The following SUMF1 variants were observed in gnomAD, a reference collection of about 807,000 sequenced individuals.
SUMF1 encodes the protein sulfatase modifying factor 1.
Under a neutral mutation model 47.6 loss-of-function variants are expected in SUMF1, and 48 were observed. That is an observed-to-expected ratio of 1.01 (90% CI 0.80 to 1.28). SUMF1 has a LOEUF of 1.28. Among genes scored for constraint, SUMF1 ranks in the 50% most tolerant of loss-of-function variants. SUMF1 has a pLI of 0.00. For missense variants in SUMF1, 571 were observed against 485.4 expected, an observed-to-expected ratio of 1.18 and a Z score of -1.66; for synonymous variants, 230 against 192.1, an observed-to-expected ratio of 1.20 and a Z score of -1.63.
chr3:4,466,761 C>A (rs980343412), intron 1 of SUMF1, among the ~76,000 whole-genome samples: 3 of 152,204 alleles, frequency 2.0e-5, no homozygotes, highest in Non-Finnish European at 4.4e-5. Context: ...AAAGAAGTAA[C>A]AATAACCCTC....
At chr3:4,043,627 A>T (rs317576) in intron 9 of SUMF1, among the ~76,000 whole-genome samples, 150,268 of 152,168 alleles carry the variant, frequency 0.99, 74,227 homozygotes, top group Middle Eastern at 1. Context: ...GTCCTCTCCC[A>T]AGCTCCTATT....
At chr3:4,133,293 G>A (rs1693834984) in intron 8 of SUMF1, among the ~76,000 whole-genome samples, 1 of 152,104 alleles carries the variant, frequency 6.6e-6, no homozygotes, top group African/African-American at 2.4e-5. Context: ...GGATTAGTGT[G>A]TTTCGGGTTG....
chr3:4,155,419 T>C (rs1694430589), intron 8 of SUMF1, among the ~76,000 whole-genome samples: 1 of 151,620 alleles, frequency 6.6e-6, no homozygotes. Flanking sequence ...TCCCAGCTCC[T>C]TTAGGCATGC....
intron 9 of SUMF1, among the ~76,000 whole-genome samples, chr3:4,035,463 TG>T: frequency 6.6e-6 from 1 of 152,340 alleles, no homozygotes; most frequent in South Asian, 2.1e-4. Flanking sequence ...AGAGCATCTG[TG>T]ATTGGATTAA....
chr3:4,282,968 T>C (rs1238686904), intron 8 of SUMF1, among the ~76,000 whole-genome samples: 1 of 152,190 alleles, frequency 6.6e-6, no homozygotes, highest in East Asian at 1.9e-4. Flanking sequence ...TGTACTACAC[T>C]TCTCTACTCT....
chr3:4,410,251 G>C (rs754211455), intron 7 of SUMF1, among the ~76,000 whole-genome samples: 1 of 152,184 alleles, frequency 6.6e-6, no homozygotes, highest in Non-Finnish European at 1.5e-5. Context: ...AGGCAGGGTA[G>C]TATACTATTT....
intron 8 of SUMF1, among the ~76,000 whole-genome samples, chr3:4,332,569 G>C (rs1325775776): frequency 3.9e-5 from 6 of 152,160 alleles, no homozygotes; most frequent in Non-Finnish European, 5.9e-5. Context: ...GTGTATACCG[G>C]CAGACACCCT....
At chr3:4,222,728 G>T (rs1004957139) in intron 8 of SUMF1, among the ~76,000 whole-genome samples, 2 of 152,124 alleles carry the variant, frequency 1.3e-5, no homozygotes, top group African/African-American at 2.4e-5. Flanking sequence ...AGATGGAACA[G>T]AAGGAAAGGG....
chr3:4,420,022 G>T, intron 4 of SUMF1, 42 bp downstream of exon 4: 1 of 1,548,038 alleles, frequency 6.5e-7, no homozygotes, highest in Non-Finnish European at 8.9e-7. Context: ...TACCTATTTT[G>T]CAATGGAACT....
intron 8 of SUMF1, among the ~76,000 whole-genome samples, chr3:4,364,621 C>T (rs1170718325): frequency 6.6e-6 from 1 of 151,310 alleles, no homozygotes; most frequent in African/African-American, 2.4e-5. Context: ...CTCTTTTCTT[C>T]TTTATTAGTC....
intron 8 of SUMF1, among the ~76,000 whole-genome samples, chr3:4,130,791 T>C (rs1693770727): frequency 6.6e-6 from 1 of 152,180 alleles, no homozygotes; most frequent in Non-Finnish European, 1.5e-5. Flanking sequence ...TGTATCACTC[T>C]GGCCCATTTA....
At chr3:4,176,125 T>C (rs570186276) in intron 8 of SUMF1, among the ~76,000 whole-genome samples, 1 of 152,192 alleles carries the variant, frequency 6.6e-6, no homozygotes, top group African/African-American at 2.4e-5. Flanking sequence ...CAGGATATTA[T>C]CCAGGAGAAC....
intron 9 of SUMF1, among the ~76,000 whole-genome samples, chr3:4,057,963 C>A (rs1256786178): frequency 1.3e-5 from 2 of 152,066 alleles, no homozygotes; most frequent in Non-Finnish European, 2.9e-5. Flanking sequence ...GAGAAAGTGG[C>A]AGAGCAGGGA....
intron 9 of SUMF1, among the ~76,000 whole-genome samples, chr3:4,039,209 AT>A (rs775459424): frequency 0.061 from 2,435 of 39,610 alleles, 101 homozygotes; most frequent in African/African-American, 0.17. Flanking sequence ...ATCTATGCAA[AT>A]TTTTTTTTTT....
At chr3:4,102,453 CA>C (rs1191963834) in intron 8 of SUMF1, among the ~76,000 whole-genome samples, 1 of 152,044 alleles carries the variant, frequency 6.6e-6, no homozygotes, top group African/African-American at 2.4e-5. Context: ...TGATAGAGTC[CA>C]GTCTTCCTTT....
In SUMF1 at chr3:4,211,199, CATACATATAT is replaced by C. The variant is rs1386786400; in HGVS notation, c.1015-142464_1015-142455del. ...ATATATATACATATACATATACATA[CATACATATAT>C]ATATATATATATATATATCCTATTA... is the stretch of plus-strand genomic sequence containing the variant. On this transcript the variant is annotated intron_variant and NMD_transcript_variant, in intron 8 of 12. Transcript: ENST00000448413. Among the ~76,000 whole-genome samples, 14 of 85,038 alleles carry C rather than the reference CATACATATAT, an allele frequency of 1.6e-4. 2 individuals are homozygous for C. Among genetic ancestry groups the C allele is most frequent in the Non-Finnish European group, 2.8e-4 (12 of 43,560 alleles). The allele number at this position is 85,038 out of a possible 152,430, so 55.8% of individuals were successfully genotyped here.
chr3:4,206,970 C>T (rs1695667610), intron 8 of SUMF1, among the ~76,000 whole-genome samples: 1 of 151,648 alleles, frequency 6.6e-6, no homozygotes, highest in African/African-American at 2.4e-5. Context: ...TAAACTAAGT[C>T]TTCTAATCCA....
intron 8 of SUMF1, among the ~76,000 whole-genome samples, chr3:4,146,857 G>A (rs1163191831): frequency 6.6e-6 from 1 of 152,056 alleles, no homozygotes; most frequent in Non-Finnish European, 1.5e-5. Flanking sequence ...CCCTAAAAAG[G>A]ACATGAACTC....
intron 8 of SUMF1, among the ~76,000 whole-genome samples, chr3:4,158,398 T>A (rs1390560106): frequency 6.6e-6 from 1 of 151,546 alleles, no homozygotes; most frequent in African/African-American, 2.4e-5. Flanking sequence ...ATGATCCATG[T>A]GCTGAGGAGA....
Sources: gnomAD v4.1 joint callset for allele counts (sites outside exome capture counted in the v4.1 genomes callset) on GRCh38, gnomAD v4.1.1 for gene constraint, MANE v1.5 for transcripts, NCBI Gene and HGNC (gene_info 2026-07-23, HGNC 2026-07-21) for gene names.